ATM: variants seen among roughly 807,000 people sequenced by gnomAD.
The protein encoded by ATM is ATM serine/threonine kinase, also known as serine-protein kinase ATM.
A neutral mutation model predicts 387.0 loss-of-function variants in ATM; 308 were observed. The observed-to-expected ratio is 0.80, with a 90% confidence interval of 0.73 to 0.87. ATM has a LOEUF of 0.87. Ranked by LOEUF, ATM falls within the 40% of genes least tolerant of loss-of-function variation. ATM has a pLI of 0.00. For missense variants in ATM, 3,312 were observed against 3,560.9 expected, an observed-to-expected ratio of 0.93 and a Z score of 1.78; for synonymous variants, 1,156 against 1,187.3, an observed-to-expected ratio of 0.97 and a Z score of 0.54.
intron 22 of ATM, among the ~76,000 whole-genome samples, chr11:108,279,051 T>C (rs1437583519): frequency 6.6e-6 from 1 of 152,192 alleles, no homozygotes; most frequent in Non-Finnish European, 1.5e-5. Context: ...ACTGATCAAC[T>C]TTTTTCCATC....
chr11:108,308,970 C>T (rs2083904259), intron 38 of ATM: 1 of 1,505,214 alleles, frequency 6.6e-7, no homozygotes, highest in East Asian at 2.5e-5. Context: ...TCATTTCAGA[C>T]TTACCATTGG....
At chr11:108,295,427 A>G (rs1047033702) in intron 32 of ATM, 18 of 253,812 alleles carry the variant, frequency 7.1e-5, no homozygotes, top group Admixed American at 4.6e-4. Flanking sequence ...CCTGGGTACA[A>G]GGAATTCTCC....
intron 34 of ATM, among the ~76,000 whole-genome samples, chr11:108,301,082 A>T (rs1170460740): frequency 6.6e-6 from 1 of 151,916 alleles, no homozygotes; most frequent in East Asian, 1.9e-4. Flanking sequence ...TCATTTTTTA[A>T]ATGTATATCA....
chr11:108,273,416 A>G (rs2081735468), intron 22 of ATM, among the ~76,000 whole-genome samples: 1 of 127,360 alleles, frequency 7.9e-6, no homozygotes, highest in Non-Finnish European at 1.6e-5. Context: ...ATCTCGGTTC[A>G]CTTCAGCCTC....
At chr11:108,256,083 G>C (rs1565394119) in intron 13 of ATM, 132 bp from the exon 14 acceptor site, 1 of 768,096 alleles carries the variant, frequency 1.3e-6, no homozygotes, top group Non-Finnish European at 1.9e-6. Context: ...AGCTATCCAG[G>C]ATATGCCACC....
chr11:108,278,495 A>G (rs2082062862), intron 22 of ATM, among the ~76,000 whole-genome samples: 1 of 152,106 alleles, frequency 6.6e-6, no homozygotes, highest in Non-Finnish European at 1.5e-5. Context: ...CACTTGTTAG[A>G]TTTTGTCTTA....
At chr11:108,232,314 T>G (rs189018839) in intron 4 of ATM, among the ~76,000 whole-genome samples, 41 of 152,258 alleles carry the variant, frequency 2.7e-4, no homozygotes, top group Admixed American at 2.6e-3. Context: ...GGAGTTACTA[T>G]TCCCTCACCC....
intron 61 of ATM, among the ~76,000 whole-genome samples, chr11:108,360,673 T>C (rs1297553453): frequency 1.3e-5 from 2 of 148,502 alleles, no homozygotes; most frequent in Admixed American, 6.8e-5. Context: ...ATCCAGCATA[T>C]AAACAGAACC....
rs1364934271 is a variant in ATM at position 108,267,755 on chromosome 11, G to T, written c.2638+413G>T. ...GCCTGTAGTCCCAGCTACTCGGGAG[G>T]CTGAAGCAGGAGAACGGCATGAACC... On this transcript the variant is annotated intron_variant, in intron 17 of 62. Transcript: ENST00000675843. Among the ~76,000 whole-genome samples the T allele has an allele frequency of 2.6e-5, 4 of 152,308 alleles. No individual in the cohort carries two copies. In the East Asian group the frequency reaches 5.8e-4, roughly 22 times the overall value.
chr11:108,317,674 C>CTATA (rs1241876600), intron 43 of ATM, among the ~76,000 whole-genome samples, 153 bp downstream of exon 43: 2 of 129,306 alleles, frequency 1.5e-5, no homozygotes, highest in African/African-American at 3.0e-5. Context: ...CACACACACA[C>CTATA]TATATATATA....
intron 18 of ATM, among the ~76,000 whole-genome samples, chr11:108,270,229 T>C (rs937753993): frequency 3.9e-5 from 6 of 152,198 alleles, no homozygotes; most frequent in African/African-American, 1.4e-4. Flanking sequence ...AAGATTGCCT[T>C]ATGGGAAGAT....
chr11:108,277,211 TC>T lies in ATM; in HGVS notation c.3285-2274del, dbSNP rs1230284569. ...AAGCCTCAGTAATTGCAGACGCCCC[TC>T]CCCCCACCAAGCTTCAGTGTCCCAG... On this transcript the variant is annotated intron_variant, in intron 22 of 62. Coordinates refer to ENST00000675843, the MANE Select transcript of ATM (RefSeq NM_000051.4). 4.6e-5 allele frequency among the ~76,000 whole-genome samples: 7 copies of T among 152,038 alleles called. No individual in the cohort carries two copies. The South Asian group carries it at 8.3e-4, about 18-fold the overall frequency.
At chr11:108,337,473 A>G (rs759373207) in intron 56 of ATM, among the ~76,000 whole-genome samples, 5 of 152,210 alleles carry the variant, frequency 3.3e-5, no homozygotes, top group Non-Finnish European at 7.3e-5. Context: ...TCACTTAGAG[A>G]GTTTGTTAAA....
chr11:108,240,488 A>G lies in ATM; in HGVS notation c.497-3465A>G, dbSNP rs1238234194. Among the ~76,000 whole-genome samples the G allele has an allele frequency of 2.6e-5, 4 of 152,230 alleles. No homozygotes were observed. The East Asian group carries it at 7.7e-4, about 29-fold the overall frequency. ...TGCGTGAACGTCATAGGGTGTATTT[A>G]TACAAACTTAGATGGTATAACACTA... On this transcript the variant is annotated intron_variant, in intron 5 of 62. Transcript: ENST00000675843.
chr11:108,227,146 C>T (rs1565342896), intron 1 of ATM: 2 of 159,124 alleles, frequency 1.3e-5, no homozygotes, highest in African/African-American at 4.8e-5. Context: ...TCCTGAGTAG[C>T]TGGGATTACA....
intron 4 of ATM, among the ~76,000 whole-genome samples, chr11:108,232,949 G>A (rs1591465574): frequency 6.6e-6 from 1 of 151,380 alleles, no homozygotes; most frequent in East Asian, 2.0e-4. Flanking sequence ...TGCAACCTCC[G>A]CCTCCCGGGC....
intron 5 of ATM, among the ~76,000 whole-genome samples, chr11:108,238,593 G>C (rs1031325701): frequency 3.9e-5 from 6 of 152,056 alleles, no homozygotes; most frequent in Non-Finnish European, 8.8e-5. Flanking sequence ...TTATACAGAA[G>C]TCCAGTTAAT....
rs2085076333 is a variant in ATM at position 108,319,955 on chromosome 11, AAAG to A, written c.6353_6355del (p.Glu2118del). On this transcript the variant is annotated inframe_deletion and splice_region_variant, in exon 44 of 63. Coordinates refer to ENST00000675843, the MANE Select transcript of ATM (RefSeq NM_000051.4). ...TTTTTTCTTTGACTTATCTCACAGC[AAAG>A]AAGTAGAAGGAACCAGTTACCATGA... 1.2e-6 allele frequency: 2 copies of A among 1,606,472 alleles called. No individual in the cohort carries two copies. The highest frequency in any genetic ancestry group is 1.1e-5 in the South Asian group (1 of 90,868).
At position 108,284,257 on chromosome 11, in the gene ATM, G is replaced by C. The variant is rs780192529; in HGVS notation, c.3777G>C (p.Leu1259=). 1.2e-6 allele frequency: 2 copies of C among 1,611,368 alleles called. No individual in the cohort carries two copies. The highest frequency in any genetic ancestry group is 1.7e-6 in the Non-Finnish European group (2 of 1,177,794). ...GTTATAAGGTTTTGATTCCACATCT[G>C]GTGATTAGAAGTCATTTTGATGAGG... ...RSCYKVLIPH[L]VIRSHFDEVK... is the part of the protein sequence containing the mutation. The change falls in exon 26 of 63, where the codon CTG becomes CTC. Residue 1259 remains leucine (L), a synonymous_variant. Coordinates refer to ENST00000675843, the MANE Select transcript of ATM (RefSeq NM_000051.4).
Sources: allele counts gnomAD v4.1 joint callset (sites outside exome capture counted in the v4.1 genomes callset), GRCh38; gene constraint gnomAD v4.1.1; transcripts MANE v1.5; gene names NCBI Gene and HGNC (gene_info 2026-07-23, HGNC 2026-07-21).